ZNF138: variants seen among roughly 807,000 people sequenced by gnomAD.
The protein encoded by ZNF138 is zinc finger protein 138 (clone pHZ-32).
In ZNF138, 33 loss-of-function variants were observed where a neutral mutation model predicts 33.0. The ratio of observed to expected loss-of-function variants is 1.00; its 90% CI spans 0.76 to 1.34. The LOEUF (loss-of-function observed/expected upper bound fraction) is 1.34, where lower values mean the gene tolerates loss of function less well. ZNF138 is among the 40% of genes most tolerant of loss of function. ZNF138 has a pLI of 0.00. For missense variants in ZNF138, 360 were observed against 370.8 expected, an observed-to-expected ratio of 0.97 and a Z score of 0.24; for synonymous variants, 139 against 120.4, an observed-to-expected ratio of 1.15 and a Z score of -1.01.
chr7:64,798,443 AAAAAG>A (rs1353072730), intron 1 of ZNF138, among the ~76,000 whole-genome samples: 1 of 152,242 alleles, frequency 6.6e-6, no homozygotes, highest in Non-Finnish European at 1.5e-5. Flanking sequence ...TTTAAATACA[AAAAAG>A]AAAATCTTAT....
At chr7:64,838,849 C>A in the ZNF138 span, among the ~76,000 whole-genome samples, 2 of 151,924 alleles carry the variant, frequency 1.3e-5, no homozygotes, top group East Asian at 1.9e-4. Context: ...GGCCAAATGG[C>A]GGCAGAAGAA....
At chr7:64,860,371 T>C in the ZNF138 span, among the ~76,000 whole-genome samples, 1 of 152,176 alleles carries the variant, frequency 6.6e-6, no homozygotes, top group Admixed American at 6.6e-5. Context: ...AATCACTAAA[T>C]CTTATTTCTC....
chr7:64,834,502 T>C (rs1465939015), downstream of ZNF138, among the ~76,000 whole-genome samples: 1 of 152,216 alleles, frequency 6.6e-6, no homozygotes, highest in African/African-American at 2.4e-5. Flanking sequence ...ATTCAAAGTA[T>C]ACTTTTTTCC....
chr7:64,831,976 G>T lies in ZNF138; in HGVS notation c.734G>T (p.Arg245Leu). 6.2e-7 allele frequency: 1 copy of T among 1,612,856 alleles called. No individual in the cohort carries two copies. The highest frequency in any genetic ancestry group is 8.5e-7 in the Non-Finnish European group (1 of 1,179,586). The change falls in exon 4 of 4, where the codon CGT becomes CTT. Residue 245 changes from arginine to leucine, a missense_variant. Transcript: ENST00000307355. Reference sequence around the variant, plus strand: ...ATCCTTACTAAACATAAGATAATTCGTACTGGAGAAAAACCCTATAAATGT... The same window carrying T: ...ATCCTTACTAAACATAAGATAATTCTTACTGGAGAAAAACCCTATAAATGT... Reference protein sequence around the residue: ...SSILTKHKIIRTGEKPYKCAH... With the variant: ...SSILTKHKIILTGEKPYKCAH...
intron 3 of ZNF138, among the ~76,000 whole-genome samples, chr7:64,828,625 A>G (rs1789832950): frequency 6.6e-6 from 1 of 152,156 alleles, no homozygotes; most frequent in Non-Finnish European, 1.5e-5. Context: ...GAGTATAAAA[A>G]TGACTCTTCA....
chr7:64,821,035 G>GT (rs71061313), intron 3 of ZNF138, among the ~76,000 whole-genome samples: 52 of 145,966 alleles, frequency 3.6e-4, no homozygotes, highest in Admixed American at 8.1e-4. Context: ...TGAGGTGATT[G>GT]TTTTTTTTTG....
At chr7:64,809,384 G>A (rs1283030201) in intron 1 of ZNF138, among the ~76,000 whole-genome samples, 2 of 14,144 alleles carry the variant, frequency 1.4e-4, no homozygotes, top group African/African-American at 2.0e-4. Context: ...CCCAGTAGGG[G>A]CAGCCGGTTA....
At chr7:64,828,372 C>T (rs1468676390) in intron 3 of ZNF138, among the ~76,000 whole-genome samples, 2 of 152,078 alleles carry the variant, frequency 1.3e-5, no homozygotes, top group Non-Finnish European at 2.9e-5. Flanking sequence ...TGGCAGTTTT[C>T]AAACACTATT....
the ZNF138 span, among the ~76,000 whole-genome samples, chr7:64,860,265 T>C: frequency 6.6e-6 from 1 of 152,234 alleles, no homozygotes; most frequent in Non-Finnish European, 1.5e-5. Context: ...CACATACTTA[T>C]TATACTTTTG....
the ZNF138 span, among the ~76,000 whole-genome samples, chr7:64,860,259 T>C: frequency 6.6e-6 from 1 of 152,244 alleles, no homozygotes; most frequent in Non-Finnish European, 1.5e-5. Context: ...GCACCTCACA[T>C]ACTTATTATA....
the ZNF138 span, among the ~76,000 whole-genome samples, chr7:64,853,704 C>T: frequency 6.6e-6 from 1 of 151,368 alleles, no homozygotes; most frequent in Non-Finnish European, 1.5e-5. Context: ...TAGTGTACTT[C>T]AGCATATACA....
intron 1 of ZNF138, among the ~76,000 whole-genome samples, chr7:64,807,501 G>A (rs1006883447): frequency 6.6e-6 from 1 of 152,178 alleles, no homozygotes; most frequent in Non-Finnish European, 1.5e-5. Flanking sequence ...GTATCACTTA[G>A]AATGTGCTAG....
the ZNF138 span, among the ~76,000 whole-genome samples, chr7:64,859,817 T>TA: frequency 3.2e-4 from 49 of 152,204 alleles, no homozygotes; most frequent in African/African-American, 1.1e-3. Flanking sequence ...CTTCTCTCTT[T>TA]AAAAAACTCT....
At chr7:64,837,072 C>T (rs1484877200), downstream of ZNF138, among the ~76,000 whole-genome samples, 9 of 152,076 alleles carry the variant, frequency 5.9e-5, no homozygotes, top group Non-Finnish European at 1.2e-4. Context: ...CAGCTTTCCT[C>T]GAGAAGAACC....
At position 64,832,299 on chromosome 7, in the gene ZNF138, CATAAG is replaced by C; in HGVS notation, c.*102_*106del. On this transcript the variant is annotated 3_prime_UTR_variant, in exon 4 of 4. Transcript: ENST00000307355. ...TAACCAGTTTTCAACCCTTATTACA[CATAAG>C]ATAATTCATAGCGGAGAGAAACCCC... 9 of 1,585,100 alleles carry C rather than the reference CATAAG, an allele frequency of 5.7e-6. No homozygotes were observed. The highest frequency in any genetic ancestry group is 7.7e-6 in the Non-Finnish European group (9 of 1,167,798).
rs1788945154 is a variant in ZNF138, at chr7:64,819,559, GGGT to G, written c.208+3907_208+3909del. 2.0e-5 allele frequency among the ~76,000 whole-genome samples: 3 copies of G among 151,744 alleles called. No homozygotes were observed. In the South Asian group the frequency reaches 6.2e-4, roughly 32 times the overall value. On this transcript the variant is annotated intron_variant, in intron 3 of 3. Coordinates refer to ENST00000307355, the MANE Select transcript of ZNF138 (RefSeq NM_001271639.2). ...TTTTGTTGTATTTTTAGGAGAGATG[GGGT>G]TTCACCATGTTGCCCAGGGTGATCT...
intron 3 of ZNF138, among the ~76,000 whole-genome samples, chr7:64,822,706 C>G (rs1789266012): frequency 6.6e-6 from 1 of 152,032 alleles, no homozygotes; most frequent in Non-Finnish European, 1.5e-5. Flanking sequence ...GTTTTGAAAT[C>G]AGAAAGTATA....
chr7:64,807,959 G>A (rs917909277), intron 1 of ZNF138, among the ~76,000 whole-genome samples: 6 of 152,152 alleles, frequency 3.9e-5, no homozygotes, highest in African/African-American at 9.7e-5. Flanking sequence ...TTCATTTTAC[G>A]CAAGAGCTAG....
At position 64,800,364 on chromosome 7, in the gene ZNF138, C is replaced by T. The variant is rs536398841; in HGVS notation, c.3+5793C>T. Among the ~76,000 whole-genome samples, 8 of 152,284 alleles carry T rather than the reference C, an allele frequency of 5.3e-5. No homozygotes were observed. In the South Asian group the frequency reaches 1.4e-3, roughly 28 times the overall value. On this transcript the variant is annotated intron_variant, in intron 1 of 3. Coordinates refer to ENST00000307355, the MANE Select transcript of ZNF138 (RefSeq NM_001271639.2). ...CTTGTTATTTTGAAATATGTACCTT[C>T]AATGCCTAGTTTGTTGAAGGTTTTT...
Sources: allele counts gnomAD v4.1 joint callset (sites outside exome capture counted in the v4.1 genomes callset), GRCh38; gene constraint gnomAD v4.1.1; transcripts MANE v1.5; gene names NCBI Gene and HGNC (gene_info 2026-07-23, HGNC 2026-07-21).